GABRP: variants seen among roughly 807,000 people sequenced by gnomAD.
GABRP encodes the protein gamma-aminobutyric acid type A receptor subunit pi.
GABRP carries 52 observed loss-of-function variants against 47.8 expected under a neutral mutation model. The ratio of observed to expected loss-of-function variants is 1.09; its 90% CI spans 0.87 to 1.37. GABRP has a LOEUF of 1.37. Among genes scored for constraint, GABRP ranks in the 40% most tolerant of loss-of-function variants. The pLI is 0.00. For synonymous variants in GABRP, 221 were observed against 205.8 expected, an observed-to-expected ratio of 1.07 and a Z score of -0.63; for missense variants, 525 against 542.8, an observed-to-expected ratio of 0.97 and a Z score of 0.33.
chr5:170,785,966 T>G (rs537389809), intron 1 of GABRP, among the ~76,000 whole-genome samples: 2 of 152,360 alleles, frequency 1.3e-5, no homozygotes, highest in Non-Finnish European at 2.9e-5. Flanking sequence ...ACCTTTTCTG[T>G]GACTTCCCTT....
intron 6 of GABRP, among the ~76,000 whole-genome samples, chr5:170,803,393 G>T (rs988511237): frequency 6.6e-6 from 1 of 152,132 alleles, no homozygotes; most frequent in Non-Finnish European, 1.5e-5. Context: ...TGTGACTCTG[G>T]GTGAGTAACT....
chr5:170,803,041 G>T (rs940343244), intron 6 of GABRP, among the ~76,000 whole-genome samples: 2 of 152,140 alleles, frequency 1.3e-5, no homozygotes, highest in Non-Finnish European at 2.9e-5. Flanking sequence ...AGAGTGTCCA[G>T]GTAGAAACTT....
chr5:170,797,718 T>C (rs1765467835), intron 6 of GABRP, among the ~76,000 whole-genome samples, 170 bp downstream of exon 6: 1 of 152,232 alleles, frequency 6.6e-6, no homozygotes, highest in Non-Finnish European at 1.5e-5. Flanking sequence ...TTCTCAAAGA[T>C]ATGCCTAATA....
At chr5:170,789,808 C>T (rs1862241) in intron 3 of GABRP, among the ~76,000 whole-genome samples, 65,991 of 151,966 alleles carry the variant, frequency 0.43, 15,058 homozygotes, top group African/African-American at 0.55. Context: ...CAGAATGCTC[C>T]CTGACATCCC....
chr5:170,799,829 A>G (rs952612997), intron 6 of GABRP, among the ~76,000 whole-genome samples: 2 of 152,112 alleles, frequency 1.3e-5, no homozygotes, highest in African/African-American at 2.4e-5. Context: ...CCACTGCTCA[A>G]TGAAATAAAA....
intron 2 of GABRP, 131 bp downstream of exon 2, chr5:170,788,799 C>A: frequency 2.4e-6 from 2 of 827,964 alleles, no homozygotes; most frequent in East Asian, 2.5e-5. Flanking sequence ...CCTGGAGCAC[C>A]GAACAATGAA....
chr5:170,797,628 C>G (rs548510604), intron 6 of GABRP, 80 bp downstream of exon 6: 9 of 819,120 alleles, frequency 1.1e-5, no homozygotes, highest in Non-Finnish European at 1.7e-5. Context: ...GTATCTCATA[C>G]ACAGTGACCT....
intron 2 of GABRP, among the ~76,000 whole-genome samples, 165 bp from the exon 3 acceptor site, chr5:170,788,964 T>G (rs1316858114): frequency 6.6e-6 from 1 of 152,126 alleles, no homozygotes; most frequent in African/African-American, 2.4e-5. Flanking sequence ...AGATACTAAC[T>G]CAATAGCTGA....
intron 7 of GABRP, among the ~76,000 whole-genome samples, chr5:170,806,378 T>C (rs1425426943): frequency 6.6e-6 from 1 of 152,250 alleles, no homozygotes; most frequent in African/African-American, 2.4e-5. Context: ...GGCATTTTCC[T>C]CTCACTTCCT....
intron 7 of GABRP, among the ~76,000 whole-genome samples, chr5:170,806,546 G>A (rs141827030): frequency 0.011 from 1,727 of 152,214 alleles, 32 homozygotes; most frequent in African/African-American, 0.039. Flanking sequence ...AGGTTCAAGC[G>A]ACTCTTGTGC....
chr5:170,788,663 TGA>T lies in GABRP; in HGVS notation c.52_53del (p.Arg18AspfsTer16), dbSNP rs756256420. 3.1e-6 allele frequency: 5 copies of T among 1,614,084 alleles called. No individual in the cohort carries two copies. In the South Asian group the frequency reaches 5.5e-5, roughly 18 times the overall value. On this transcript the variant is annotated frameshift_variant, in exon 2 of 10. Coordinates refer to ENST00000265294, the MANE Select transcript of GABRP (RefSeq NM_014211.3). LOFTEE classifies it high-confidence loss of function. Reference protein sequence around the residue: ...LAFVCLSLFTERMCIQGSQFN... With the variant: ...LAFVCLSLFTXRMCIQGSQFN... ...CCTTCGTGTGTCTGAGTCTCTTCAC[TGA>T]GAGGTGAGCTTTGCTACCCCCAGAA...
intron 6 of GABRP, among the ~76,000 whole-genome samples, chr5:170,802,861 C>T (rs576570691): frequency 7.5e-6 from 1 of 132,460 alleles, no homozygotes; most frequent in African/African-American, 2.7e-5. Flanking sequence ...GCGGAGGGAG[C>T]TTTCTCTGAA....
At chr5:170,784,769 G>C (rs910276002) in intron 1 of GABRP, among the ~76,000 whole-genome samples, 1 of 152,222 alleles carries the variant, frequency 6.6e-6, no homozygotes, top group Non-Finnish European at 1.5e-5. Flanking sequence ...GGAAAACTGA[G>C]ACTCTGAGAG....
At chr5:170,810,905 G>A (rs1765866213) in intron 9 of GABRP, among the ~76,000 whole-genome samples, 1 of 151,754 alleles carries the variant, frequency 6.6e-6, no homozygotes, top group Admixed American at 6.6e-5. Flanking sequence ...TCCTTATGAG[G>A]GAGGAAGGAA....
At chr5:170,787,569 G>C (rs1398794256) in intron 1 of GABRP, among the ~76,000 whole-genome samples, 1 of 152,202 alleles carries the variant, frequency 6.6e-6, no homozygotes, top group Non-Finnish European at 1.5e-5. Context: ...GGATCCTCGG[G>C]TCAACTAAGG....
rs769869191 is a variant in GABRP, at chr5:170,797,474, C to T, written c.467C>T (p.Thr156Ile). The change falls in exon 6 of 10, where the codon ACA becomes ATA. Residue 156 changes from threonine to isoleucine, a missense_variant. Coordinates refer to ENST00000265294, the MANE Select transcript of GABRP (RefSeq NM_014211.3). ...CTGTTTTTCCCTCTTAGAATCACGA[C>T]AACTGTTGCATGTAACATGGATCTG... The part of the protein sequence containing the change: ...GTVLYALRIT[T>I]TVACNMDLSK... 1 of 1,608,258 alleles carries T rather than the reference C, an allele frequency of 6.2e-7. No individual in the cohort carries two copies. Among genetic ancestry groups the T allele is most frequent in the South Asian group, 1.1e-5 (1 of 90,934 alleles).
intron 7 of GABRP, among the ~76,000 whole-genome samples, chr5:170,807,471 T>C (rs1765765673): frequency 6.6e-6 from 1 of 152,326 alleles, no homozygotes; most frequent in South Asian, 2.1e-4. Context: ...AGGGTCGTTA[T>C]TTAGTCAAAT....
chr5:170,784,650 G>T (rs777108204), intron 1 of GABRP, among the ~76,000 whole-genome samples: 1 of 152,168 alleles, frequency 6.6e-6, no homozygotes, highest in Non-Finnish European at 1.5e-5. Context: ...TTGAGATTTG[G>T]GTTCTATTAG....
chr5:170,789,288 G>A (rs1164324113), intron 3 of GABRP, 41 bp downstream of exon 3: 23 of 1,300,826 alleles, frequency 1.8e-5, no homozygotes, highest in South Asian at 1.1e-4. Flanking sequence ...TCAAAGGGAC[G>A]AAAACAGAGA....
Sources: allele counts gnomAD v4.1 joint callset (sites outside exome capture counted in the v4.1 genomes callset), GRCh38; gene constraint gnomAD v4.1.1; transcripts MANE v1.5; gene names NCBI Gene and HGNC (gene_info 2026-07-23, HGNC 2026-07-21).